EVC2: variants seen among roughly 807,000 people sequenced by gnomAD.
The protein encoded by EVC2 is EvC ciliary complex subunit 2.
In EVC2, 148 loss-of-function variants were observed where a neutral mutation model predicts 149.3. That is an observed-to-expected ratio of 0.99 (90% CI 0.87 to 1.14). The LOEUF is 1.14. Ranked by LOEUF, EVC2 falls within the 50% of genes most tolerant of loss-of-function variation. The pLI is 0.00. For synonymous variants in EVC2, 776 were observed against 649.9 expected (o/e 1.19, Z -2.95); for missense variants, 1,854 against 1,627.3 (o/e 1.14, Z -2.40).
intron 7 of EVC2, among the ~76,000 whole-genome samples, chr4:5,669,921 C>T (rs888032003): frequency 5.3e-5 from 8 of 152,138 alleles, no homozygotes; most frequent in Admixed American, 5.2e-4. Flanking sequence ...CACCTGTCAC[C>T]CCCTTCTCTT....
intron 1 of EVC2, among the ~76,000 whole-genome samples, chr4:5,699,834 T>C (rs1425200435): frequency 6.6e-6 from 1 of 151,202 alleles, no homozygotes; most frequent in Non-Finnish European, 1.5e-5. Context: ...AAAAAATAAA[T>C]AATAAATATT....
At position 5,679,152 on chromosome 4, in the gene EVC2, T is replaced by G. The variant is rs1252865581; in HGVS notation, c.870+2108A>C. Reference sequence around the variant, plus strand: ...AAGTTGCTCTGGGCCAGTCAGTGAGTGAGTGGTGAGTGAATGTGAAGGCGT... The same window carrying G: ...AAGTTGCTCTGGGCCAGTCAGTGAGGGAGTGGTGAGTGAATGTGAAGGCGT... On this transcript the variant is annotated intron_variant, in intron 7 of 21. Transcript: ENST00000344408. The surrounding 1 kb of genome is among the most constrained non-coding windows in gnomAD (Gnocchi z 5.1). 6.6e-6 allele frequency among the ~76,000 whole-genome samples: 1 copy of G among 151,436 alleles called. No individual in the cohort carries two copies. The highest frequency in any genetic ancestry group is 1.5e-5 in the Non-Finnish European group (1 of 67,944).
chr4:5,584,986 G>A, intron 16 of EVC2, 136 bp from the exon 17 acceptor site: 3 of 919,668 alleles, frequency 3.3e-6, no homozygotes, highest in Non-Finnish European at 5.2e-6. Context: ...GACGCACTGG[G>A]AACCTGCAGG....
intron 2 of EVC2, among the ~76,000 whole-genome samples, chr4:5,695,257 G>C (rs1304274719): frequency 6.6e-6 from 1 of 151,790 alleles, no homozygotes; most frequent in Non-Finnish European, 1.5e-5. Flanking sequence ...GTGAGGCAGG[G>C]GAATCGCTTG....
intron 17 of EVC2, among the ~76,000 whole-genome samples, chr4:5,582,551 C>T (rs78767804): frequency 1.3e-5 from 2 of 152,126 alleles, no homozygotes; most frequent in African/African-American, 2.4e-5. Flanking sequence ...TTTATAGGCT[C>T]ATAGGTGGAA....
chr4:5,692,812 A>G (rs1721205584), intron 3 of EVC2, among the ~76,000 whole-genome samples: 1 of 137,634 alleles, frequency 7.3e-6, no homozygotes, highest in African/African-American at 2.7e-5. Context: ...GCTTGCAGTG[A>G]GCCGAGATTG....
chr4:5,683,968 A>G (rs1230352870), intron 6 of EVC2, among the ~76,000 whole-genome samples: 1 of 152,104 alleles, frequency 6.6e-6, no homozygotes, highest in East Asian at 1.9e-4. Context: ...CCGGGGCTTC[A>G]GCTCCTGAGG....
rs1315720762 is a variant in EVC2 at position 5,625,659 on chromosome 4, A to G, written c.2046+90T>C. On this transcript the variant is annotated intron_variant, in intron 13 of 21. Coordinates refer to ENST00000344408, the MANE Select transcript of EVC2 (RefSeq NM_147127.5). This position sits in a 1 kb window ranked among gnomAD's most constrained non-coding sequence, Gnocchi z 4.0. ...CCAGCTGCCCTTCTGATCCTAGTTC[A>G]CCAATGGCAATGTCTGGCACAGTAC... 1.9e-6 allele frequency: 3 copies of G among 1,550,456 alleles called. No individual in the cohort carries two copies.
chr4:5,589,080 C>T (rs1712555552), intron 16 of EVC2, among the ~76,000 whole-genome samples: 1 of 152,206 alleles, frequency 6.6e-6, no homozygotes, highest in Non-Finnish European at 1.5e-5. Flanking sequence ...GAACTACAGA[C>T]AATGTAAATT....
At chr4:5,578,019 A>T (rs1723037397) in intron 17 of EVC2, among the ~76,000 whole-genome samples, 1 of 139,736 alleles carries the variant, frequency 7.2e-6, no homozygotes, top group Non-Finnish European at 1.5e-5. Flanking sequence ...GCACCAGGAG[A>T]GCCCTGGTTA....
upstream of EVC2, chr4:5,708,822 C>T (rs935200130): frequency 1.4e-5 from 4 of 284,160 alleles, no homozygotes; most frequent in African/African-American, 4.4e-5. Context: ...CCTCCGCTAC[C>T]GCCTACCTGG....
chr4:5,611,232 TG>T (rs1246063167), intron 16 of EVC2, among the ~76,000 whole-genome samples: 1 of 152,192 alleles, frequency 6.6e-6, no homozygotes, highest in East Asian at 1.9e-4. Context: ...ACATGCCTGG[TG>T]GTGGACCCTG....
At chr4:5,604,454 A>G (rs527492021) in intron 16 of EVC2, among the ~76,000 whole-genome samples, 20 of 152,310 alleles carry the variant, frequency 1.3e-4, no homozygotes, top group African/African-American at 4.6e-4. Context: ...CAGCCACAGA[A>G]AGACAAACAT....
At chr4:5,611,373 T>C (rs1047419659) in intron 16 of EVC2, among the ~76,000 whole-genome samples, 1 of 152,154 alleles carries the variant, frequency 6.6e-6, no homozygotes. Context: ...AGGAATTTGA[T>C]AGAGACTAGA....
intron 1 of EVC2, 108 bp downstream of exon 1, chr4:5,708,178 C>G (rs998021730): frequency 1.4e-5 from 14 of 997,874 alleles, no homozygotes; most frequent in Non-Finnish European, 1.9e-5. Context: ...ATCCTGCCCT[C>G]CCTTCCTCAT....
the EVC2 span, among the ~76,000 whole-genome samples, chr4:5,534,313 C>T: frequency 1.3e-5 from 2 of 152,174 alleles, no homozygotes; most frequent in Admixed American, 6.5e-5. Context: ...GATTCTGCAG[C>T]AGTGCCCACA....
chr4:5,567,929 C>G lies in EVC2; in HGVS notation c.3557+515G>C, dbSNP rs1040805597. 6.6e-6 allele frequency among the ~76,000 whole-genome samples: 1 copy of G among 152,138 alleles called. No homozygotes were observed. Among genetic ancestry groups the G allele is most frequent in the African/African-American group, 2.4e-5 (1 of 41,418 alleles). On this transcript the variant is annotated intron_variant, in intron 20 of 21. Coordinates refer to ENST00000344408, the MANE Select transcript of EVC2 (RefSeq NM_147127.5). This position sits in a 1 kb window ranked among gnomAD's most constrained non-coding sequence, Gnocchi z 4.4. ...TTACATAGGGGGATGTTTGCATGAG[C>G]GTTAAAAGGTAAGGAGCAAAATCGC... is the stretch of plus-strand genomic sequence containing the variant.
chr4:5,674,256 AACGCAGCTTTGCTAAT>A (rs1452181897), intron 7 of EVC2, among the ~76,000 whole-genome samples: 1 of 152,148 alleles, frequency 6.6e-6, no homozygotes, highest in Non-Finnish European at 1.5e-5. Context: ...CACACTTACC[AACGCAGCTTTGCTAAT>A]TTCCCAATCT....
chr4:5,532,614 G>T, the EVC2 span, among the ~76,000 whole-genome samples: 2 of 152,118 alleles, frequency 1.3e-5, no homozygotes, highest in African/African-American at 4.8e-5. Flanking sequence ...GGTCAGTTGT[G>T]TCCTTCCTTC....
Sources: allele counts gnomAD v4.1 joint callset (sites outside exome capture counted in the v4.1 genomes callset), GRCh38; gene constraint gnomAD v4.1.1; non-coding constraint Gnocchi (gnomAD v3.1); transcripts MANE v1.5; gene names NCBI Gene and HGNC (gene_info 2026-07-23, HGNC 2026-07-21).